Variants in HECTD4 observed in about 807,000 individuals in gnomAD.
HECTD4 encodes the protein probable E3 ubiquitin-protein ligase HECTD4.
A neutral mutation model predicts 471.5 loss-of-function variants in HECTD4; 114 were observed. That is an observed-to-expected ratio of 0.24 (90% CI 0.21 to 0.28). The LOEUF (loss-of-function observed/expected upper bound fraction) is 0.28. Among genes scored for constraint, HECTD4 ranks in the 10% least tolerant of loss-of-function variants. HECTD4 has a pLI of 1.00. For synonymous variants in HECTD4, 2,012 were observed against 2,256.0 expected (o/e 0.89, Z 3.07); for missense variants, 3,866 against 5,651.5 (o/e 0.68, Z 10.13).
In HECTD4 at chr12:112,243,982, A is replaced by G. The variant is rs758571873; in HGVS notation, c.4541T>C (p.Val1514Ala). ...PACKSASETK[V>A]ISHAVRQPVF... Reference sequence around the variant, plus strand: ...AGGCTGCCTGACAGCGTGAGATATCACTTTTGTTTCAGAAGCTGATTTACA... The same window carrying G: ...AGGCTGCCTGACAGCGTGAGATATCGCTTTTGTTTCAGAAGCTGATTTACA... The change falls in exon 30 of 76, where the codon GTG becomes GCG. Residue 1514 changes from valine (V) to alanine (A), a missense_variant. Val to Ala is a moderately conservative substitution (Grantham distance 64). Around this residue, in one of 16 missense-constraint regions of HECTD4, gnomAD observed 49 missense variants for 43.6 expected, o/e 1.12. Coordinates refer to ENST00000682272, the MANE Select transcript of HECTD4 (RefSeq NM_001388303.1). The surrounding 1 kb of genome is among the most constrained non-coding windows in gnomAD (Gnocchi z 6.6). 6.2e-7 allele frequency: 1 copy of G among 1,613,910 alleles called. No homozygotes were observed. The highest frequency in any genetic ancestry group is 1.1e-5 in the South Asian group (1 of 91,076).
intron 8 of HECTD4, 110 bp from the exon 9 acceptor site, chr12:112,279,496 T>A: frequency 1.1e-6 from 1 of 900,368 alleles, no homozygotes; most frequent in South Asian, 1.9e-5. Context: ...AACAAAGATT[T>A]GGAAAACAGA....
At chr12:112,368,346 G>A (rs1371341927) in intron 1 of HECTD4, among the ~76,000 whole-genome samples, 2 of 152,078 alleles carry the variant, frequency 1.3e-5, no homozygotes, top group Non-Finnish European at 2.9e-5. Context: ...AAAATCCCTC[G>A]AAATTATAAA....
rs1031079380 is a variant in HECTD4 at position 112,162,167 on chromosome 12, T to G, written c.*220A>C. On this transcript the variant is annotated 3_prime_UTR_variant, in exon 76 of 76. Coordinates refer to ENST00000682272, the MANE Select transcript of HECTD4 (RefSeq NM_001388303.1). This position sits in a 1 kb window ranked among gnomAD's most constrained non-coding sequence, Gnocchi z 5.2. ...TCTGGGAACTAAACTATCCTACAAA[T>G]AGACCACAAACAGGCAGCAAAAGAA... is the stretch of plus-strand genomic sequence containing the variant. 8 of 547,386 alleles carry G rather than the reference T, an allele frequency of 1.5e-5. No individual in the cohort carries two copies. Among genetic ancestry groups the G allele is most frequent in the Non-Finnish European group, 2.3e-5 (7 of 307,790 alleles). The allele number at this position is 547,386 out of a possible 1,614,324, so 33.9% of individuals were successfully genotyped here.
At chr12:112,307,065 TA>T (rs200943607) in intron 6 of HECTD4, among the ~76,000 whole-genome samples, 8 of 149,960 alleles carry the variant, frequency 5.3e-5, no homozygotes, top group South Asian at 4.2e-4. Flanking sequence ...TGGCTAGGTT[TA>T]AAAAAAAAAT....
intron 6 of HECTD4, 107 bp from the exon 7 acceptor site, chr12:112,306,341 CTTTCT>C: frequency 1.1e-6 from 1 of 912,742 alleles, no homozygotes; most frequent in Non-Finnish European, 1.5e-6. Flanking sequence ...ATTCACTAGG[CTTTCT>C]GGTCAAAATA....
chr12:112,356,170 G>A (rs1357223954), intron 1 of HECTD4, among the ~76,000 whole-genome samples: 1 of 152,064 alleles, frequency 6.6e-6, no homozygotes, highest in Non-Finnish European at 1.5e-5. Context: ...TATTTACTGT[G>A]TCATAGATAA....
At chr12:112,216,601 C>G (rs1280974820) in intron 47 of HECTD4, among the ~76,000 whole-genome samples, 172 bp downstream of exon 47, 1 of 152,170 alleles carries the variant, frequency 6.6e-6, no homozygotes, top group East Asian at 1.9e-4. Context: ...TACAGGTCAA[C>G]TAGGAAGGAA....
At chr12:112,263,752 T>G (rs960224438) in intron 17 of HECTD4, among the ~76,000 whole-genome samples, 1 of 144,312 alleles carries the variant, frequency 6.9e-6, no homozygotes, top group African/African-American at 2.6e-5. Context: ...CACACACACA[T>G]ACACATATAT....
chr12:112,275,088 G>A (rs2034499049), intron 9 of HECTD4, 128 bp from the exon 10 acceptor site: 1 of 575,644 alleles, frequency 1.7e-6, no homozygotes, highest in Non-Finnish European at 3.0e-6. Context: ...GGTGGTAATT[G>A]GTGGTAAAGA....
chr12:112,260,817 G>A (rs2034130122), intron 18 of HECTD4, among the ~76,000 whole-genome samples: 1 of 151,342 alleles, frequency 6.6e-6, no homozygotes, highest in South Asian at 2.1e-4. Context: ...GGCTGAGAAA[G>A]GGCTTTATTA....
intron 20 of HECTD4, 83 bp downstream of exon 20, chr12:112,258,413 A>G: frequency 1.0e-6 from 1 of 988,308 alleles, no homozygotes; most frequent in Non-Finnish European, 1.5e-6. Flanking sequence ...TCCTTGCTAA[A>G]AATCATTTTC....
chr12:112,326,835 GA>G (rs1271380809), intron 1 of HECTD4, among the ~76,000 whole-genome samples: 5 of 152,112 alleles, frequency 3.3e-5, no homozygotes, highest in Admixed American at 2.0e-4. Context: ...GGTCAAGTAA[GA>G]AGCTAAAATC....
chr12:112,269,579 T>A, intron 13 of HECTD4, 125 bp downstream of exon 13: 1 of 1,013,800 alleles, frequency 9.9e-7, no homozygotes, highest in Non-Finnish European at 1.4e-6. Context: ...TTATCCCCAA[T>A]CCATGAGGTC....
rs1566078234 is a variant in HECTD4 at position 112,223,416 on chromosome 12, T to G, written c.6970+3227A>C. ...CAGTTAATGTCTCAGGAATATTTCT[T>G]TTTTTCTTTCTTTCTTCTTTTTAGA... On this transcript the variant is annotated intron_variant, in intron 44 of 75. Coordinates refer to ENST00000682272, the MANE Select transcript of HECTD4 (RefSeq NM_001388303.1). Among the ~76,000 whole-genome samples, 5 of 152,320 alleles carry G rather than the reference T, an allele frequency of 3.3e-5. No individual in the cohort carries two copies. The South Asian group carries it at 8.3e-4, about 25-fold the overall frequency.
chr12:112,168,988 CCCGGACAG>C (rs1321387393), intron 70 of HECTD4, among the ~76,000 whole-genome samples: 1 of 152,214 alleles, frequency 6.6e-6, no homozygotes, highest in Non-Finnish European at 1.5e-5. Flanking sequence ...CTCCCTCCTG[CCCGGACAG>C]CCTTTCCTTC....
chr12:112,308,838 C>A lies in HECTD4; in HGVS notation c.1079G>T (p.Gly360Val). Residue 360 changes from glycine (G) to valine (V), a missense_variant, in exon 6 of 76, where the codon GGC (glycine) becomes GTC (valine). Gly to Val is a moderately radical substitution (Grantham distance 109). This residue lies in a region of HECTD4 where 440 missense variants were observed against 636.0 expected (regional missense o/e 0.69). Coordinates refer to ENST00000682272, the MANE Select transcript of HECTD4 (RefSeq NM_001388303.1). ...AGGCCGGTGGAGAAGACTGCCGCTG[C>A]CAAAAGCCACCCATCCTGGTTCCAA... ...EELEPGWVAF[G>V]SGSLLHRPVS... 6.5e-7 allele frequency: 1 copy of A among 1,536,022 alleles called. No homozygotes were observed. The highest frequency in any genetic ancestry group is 1.2e-5 in the South Asian group (1 of 84,056).
At position 112,246,935 on chromosome 12, in the gene HECTD4, C is replaced by G. The variant is rs1430449534; in HGVS notation, c.4479G>C (p.Thr1493=). 1.2e-6 allele frequency: 2 copies of G among 1,612,162 alleles called. No individual in the cohort carries two copies. The highest frequency in any genetic ancestry group is 1.7e-6 in the Non-Finnish European group (2 of 1,179,822). The change falls in exon 29 of 76, where the codon ACG becomes ACC. Residue 1493 remains threonine, a synonymous_variant. Transcript: ENST00000682272. ...CAGCAGGGGTCCCAGAGATGCTTCT[C>G]GTGAGGCCCGACTGGGCTGCGATGG... ...HVTIAAQSGL[T]RSISGTPAET... is the part of the protein sequence containing the mutation.
chr12:112,331,684 G>A (rs1444108609), intron 1 of HECTD4, among the ~76,000 whole-genome samples: 1 of 152,138 alleles, frequency 6.6e-6, no homozygotes, highest in Admixed American at 6.6e-5. Context: ...CAACAAGAAA[G>A]GGAATTTTTC....
chr12:112,178,552 G>A (rs1026713430), intron 64 of HECTD4, among the ~76,000 whole-genome samples: 21 of 152,142 alleles, frequency 1.4e-4, no homozygotes, highest in Admixed American at 9.8e-4. Context: ...GACACCCACC[G>A]GGCACAGTGG....
Sources: allele counts gnomAD v4.1 joint callset (sites outside exome capture counted in the v4.1 genomes callset), GRCh38; gene constraint gnomAD v4.1.1; regional missense constraint gnomAD v4.1.1; non-coding constraint Gnocchi (gnomAD v3.1); transcripts MANE v1.5; gene names NCBI Gene and HGNC (gene_info 2026-07-23, HGNC 2026-07-21).